The following KIFAP3 variants were observed in gnomAD, a reference collection of about 807,000 sequenced individuals.
KIFAP3 encodes the protein kinesin associated protein 3, also known as kinesin-associated protein 3.
In KIFAP3, 68 loss-of-function variants were observed where a neutral mutation model predicts 106.5. The ratio of observed to expected loss-of-function variants is 0.64; its 90% CI spans 0.53 to 0.78. KIFAP3 has a LOEUF of 0.78. KIFAP3 is among the 30% of genes least tolerant of loss of function. The pLI is 0.00. For missense variants in KIFAP3, 780 were observed against 941.8 expected (o/e 0.83, Z 2.25); for synonymous variants, 320 against 311.5 (o/e 1.03, Z -0.29).
At chr1:169,988,544 T>G (rs1666951722) in intron 11 of KIFAP3, among the ~76,000 whole-genome samples, 4 of 151,986 alleles carry the variant, frequency 2.6e-5, no homozygotes, top group Non-Finnish European at 5.9e-5. Context: ...GGGTTATGAC[T>G]TTAGTAAGTA....
At chr1:169,949,256 A>G (rs1664607927) in intron 19 of KIFAP3, among the ~76,000 whole-genome samples, 1 of 152,128 alleles carries the variant, frequency 6.6e-6, no homozygotes, top group African/African-American at 2.4e-5. Flanking sequence ...GAGGCAGGCT[A>G]TAACACACAC....
chr1:170,016,417 T>G, intron 10 of KIFAP3, 45 bp downstream of exon 10: 1 of 1,514,440 alleles, frequency 6.6e-7, no homozygotes, highest in Non-Finnish European at 9.0e-7. Flanking sequence ...TCCAGCGATG[T>G]TGGAAATTCC....
rs143285565 is a variant in KIFAP3, at chr1:170,030,697, A to G, written c.841+1189T>C. On this transcript the variant is annotated intron_variant, in intron 8 of 19. Transcript: ENST00000361580. ...GAGTAAAAGACAAAAATGCATACAT[A>G]CTATATGATTTCATTTATATAAAAC... 4.2e-3 allele frequency among the ~76,000 whole-genome samples: 631 copies of G among 152,004 alleles called. 6 individuals carry two copies. The highest frequency in any genetic ancestry group is 6.4e-3 in the Admixed American group (98 of 15,264).
At chr1:169,939,059 T>C (rs672843) in intron 19 of KIFAP3, among the ~76,000 whole-genome samples, 8 of 152,130 alleles carry the variant, frequency 5.3e-5, no homozygotes, top group Non-Finnish European at 8.8e-5. Flanking sequence ...TGGGAAGCCA[T>C]TGAAGGCACG....
intron 18 of KIFAP3, among the ~76,000 whole-genome samples, chr1:169,957,026 T>C (rs796972487): frequency 6.6e-5 from 10 of 152,332 alleles, no homozygotes; most frequent in African/African-American, 2.4e-4. Flanking sequence ...GAATGAGGTA[T>C]AAAAATTCTG....
At chr1:169,975,767 A>G (rs544261815) in intron 16 of KIFAP3, among the ~76,000 whole-genome samples, 5 of 152,262 alleles carry the variant, frequency 3.3e-5, no homozygotes, top group Admixed American at 3.3e-4. Context: ...GGCATGCACC[A>G]GAATGCCTGG....
At chr1:170,001,605 A>G (rs115190240) in intron 10 of KIFAP3, among the ~76,000 whole-genome samples, 16 of 152,280 alleles carry the variant, frequency 1.1e-4, no homozygotes, top group African/African-American at 3.1e-4. Flanking sequence ...AATGAGGCCT[A>G]TTAAAATTGA....
chr1:170,056,453 A>G (rs1467493574), intron 1 of KIFAP3, among the ~76,000 whole-genome samples: 1 of 152,222 alleles, frequency 6.6e-6, no homozygotes, highest in East Asian at 1.9e-4. Flanking sequence ...CCACTTGGCC[A>G]TTTTAGAAGG....
intron 10 of KIFAP3, among the ~76,000 whole-genome samples, chr1:169,998,174 T>C (rs1024870355): frequency 1.3e-5 from 2 of 152,002 alleles, no homozygotes; most frequent in South Asian, 4.1e-4. Flanking sequence ...GGAACAGTCA[T>C]GGAGATGATG....
chr1:169,945,079 C>G (rs965334457), intron 19 of KIFAP3, among the ~76,000 whole-genome samples: 1 of 152,112 alleles, frequency 6.6e-6, no homozygotes, highest in Non-Finnish European at 1.5e-5. Context: ...ACCTTCAGCA[C>G]CCCCTGGCCT....
chr1:170,040,780 T>C (rs1279577302), intron 3 of KIFAP3, among the ~76,000 whole-genome samples: 3 of 152,026 alleles, frequency 2.0e-5, no homozygotes, highest in African/African-American at 7.2e-5. Context: ...AGTACTTAAC[T>C]GAATGCCAAC....
intron 1 of KIFAP3, chr1:170,068,004 G>A: frequency 6.6e-6 from 1 of 152,230 alleles, no homozygotes; most frequent in East Asian, 1.9e-4. Flanking sequence ...AGCAGCAAAT[G>A]AAGGCTAAGG....
chr1:170,000,276 A>G (rs1667594451), intron 10 of KIFAP3, among the ~76,000 whole-genome samples: 1 of 152,102 alleles, frequency 6.6e-6, no homozygotes, highest in Admixed American at 6.6e-5. Flanking sequence ...ATTCCCTTCT[A>G]TACTCTATGT....
chr1:169,953,005 T>C (rs1384101188), intron 19 of KIFAP3, among the ~76,000 whole-genome samples: 1 of 152,040 alleles, frequency 6.6e-6, no homozygotes, highest in Non-Finnish European at 1.5e-5. Flanking sequence ...AGAAAAAAAT[T>C]AATAATTTAA....
At chr1:170,051,820 G>A (rs1044411200) in intron 2 of KIFAP3, among the ~76,000 whole-genome samples, 19 of 152,274 alleles carry the variant, frequency 1.2e-4, no homozygotes, top group African/African-American at 4.6e-4. Flanking sequence ...CAACATACCA[G>A]AATCTCTGGG....
At chr1:170,028,630 T>G (rs962265791) in intron 8 of KIFAP3, among the ~76,000 whole-genome samples, 10 of 152,146 alleles carry the variant, frequency 6.6e-5, no homozygotes, top group Non-Finnish European at 1.0e-4. Flanking sequence ...AGCCACGACA[T>G]CTGGCCTTAT....
intron 10 of KIFAP3, among the ~76,000 whole-genome samples, chr1:170,003,704 C>T (rs576202969): frequency 4.0e-4 from 61 of 152,246 alleles, no homozygotes; most frequent in Non-Finnish European, 8.1e-4. Context: ...CTTGATGGGA[C>T]GTATTCAAAA....
At chr1:169,996,187 T>C (rs1303388306) in intron 10 of KIFAP3, among the ~76,000 whole-genome samples, 3 of 152,148 alleles carry the variant, frequency 2.0e-5, no homozygotes, top group East Asian at 1.9e-4. Context: ...TTCACACTTA[T>C]GGTCAAAGGT....
chr1:170,067,073 A>G (rs1671484222), intron 1 of KIFAP3, among the ~76,000 whole-genome samples: 1 of 152,190 alleles, frequency 6.6e-6, no homozygotes, highest in South Asian at 2.1e-4. Context: ...ATAAATAAAT[A>G]GGTTTAATAG....
Sources: gnomAD v4.1 joint callset for allele counts (sites outside exome capture counted in the v4.1 genomes callset) on GRCh38, gnomAD v4.1.1 for gene constraint, MANE v1.5 for transcripts, NCBI Gene and HGNC (gene_info 2026-07-23, HGNC 2026-07-21) for gene names.